WASHC4: variants seen among roughly 807,000 people sequenced by gnomAD.
WASHC4 encodes WASH complex subunit 7.
Under a neutral mutation model 166.6 loss-of-function variants are expected in WASHC4, and 86 were observed. The ratio of observed to expected loss-of-function variants is 0.52; its 90% CI spans 0.43 to 0.62. WASHC4 has a LOEUF of 0.62. WASHC4 is among the 20% of genes least tolerant of loss of function. The pLI, the probability that WASHC4 is intolerant of heterozygous loss-of-function variation, is 0.00. For synonymous variants in WASHC4, 446 were observed against 451.6 expected, an observed-to-expected ratio of 0.99 and a Z score of 0.16; for missense variants, 1,262 against 1,382.4, an observed-to-expected ratio of 0.91 and a Z score of 1.38.
chr12:105,110,476 T>C (rs1160013927), intron 1 of WASHC4, among the ~76,000 whole-genome samples: 1 of 152,244 alleles, frequency 6.6e-6, no homozygotes, highest in Non-Finnish European at 1.5e-5. Context: ...AAGTTACCTA[T>C]GAATGTGTTA....
chr12:105,114,218 T>G lies in WASHC4; in HGVS notation c.204T>G (p.Leu68=). The G allele has an allele frequency of 6.2e-7, 1 of 1,609,450 alleles. No homozygotes were observed. The highest frequency in any genetic ancestry group is 1.1e-5 in the South Asian group (1 of 90,752). Residue 68 remains leucine (L), a splice_region_variant and synonymous_variant, in exon 3 of 33, where the codon CTT becomes CTG. Coordinates refer to ENST00000332180, the MANE Select transcript of WASHC4 (RefSeq NM_015275.3). ...GTTCTTTTCCTTTGTTTCTGTAGCTTTTGCCTTATGAACAGTCCTCTCTTT... is the reference window on the plus strand; with the variant it reads ...GTTCTTTTCCTTTGTTTCTGTAGCTGTTGCCTTATGAACAGTCCTCTCTTT... The part of the protein sequence containing the change: ...DFNLDPIALK[L]LPYEQSSLLE...
At chr12:105,114,293 A>T (rs768761981) in intron 3 of WASHC4, 24 bp downstream of exon 3, 118 of 1,605,096 alleles carry the variant, frequency 7.4e-5, no homozygotes, top group Non-Finnish European at 9.9e-5. Flanking sequence ...AATCTAAAAA[A>T]TTGTTTTAAA....
intron 18 of WASHC4, 101 bp from the exon 19 acceptor site, chr12:105,142,352 G>A: frequency 1.3e-6 from 1 of 744,462 alleles, no homozygotes. Flanking sequence ...AATGCGAACT[G>A]TGTAAGATGG....
intron 20 of WASHC4, 55 bp from the exon 21 acceptor site, chr12:105,144,232 A>G: frequency 1.4e-6 from 2 of 1,430,538 alleles, no homozygotes; most frequent in Non-Finnish European, 9.8e-7. Flanking sequence ...GTAGGGAAAC[A>G]ATACAATTGC....
At chr12:105,134,872 C>G (rs749706304) in intron 14 of WASHC4, among the ~76,000 whole-genome samples, 2 of 151,776 alleles carry the variant, frequency 1.3e-5, no homozygotes, top group Non-Finnish European at 2.9e-5. Flanking sequence ...ATTTGTCTCA[C>G]TTGTTCTGTG....
intron 13 of WASHC4, among the ~76,000 whole-genome samples, chr12:105,130,776 G>T (rs374159752): frequency 1.3e-5 from 2 of 152,278 alleles, no homozygotes; most frequent in East Asian, 3.9e-4. Context: ...GGGGTCCAAG[G>T]TTTGTGGATT....
Position 105,148,536 on chromosome 12 carries a change from A to G in WASHC4, c.2515-1079A>G. ...AAATGAGCATAGAAGGATAGAAATC[A>G]GGATGGCAGAATAGTTACCCACTAT... On this transcript the variant is annotated intron_variant, in intron 24 of 32. Coordinates refer to ENST00000332180, the MANE Select transcript of WASHC4 (RefSeq NM_015275.3). The G allele has an allele frequency of 7.1e-6, 7 of 985,460 alleles. 1 individual carries two copies. Among genetic ancestry groups the G allele is most frequent in the South Asian group, 9.4e-5 (2 of 21,294 alleles). The allele number at this position is 985,460 out of a possible 1,614,324, so 61.0% of individuals were successfully genotyped here.
At position 105,141,920 on chromosome 12, in the gene WASHC4, A is replaced by G. The variant is rs1234546551; in HGVS notation, c.1788-533A>G. ...AGCCTTTTTCATTATAAGATAGTTA[A>G]TGATCATTCTGTTGCCCTTTAAGGT... is the stretch of plus-strand genomic sequence containing the variant. On this transcript the variant is annotated intron_variant, in intron 18 of 32. Coordinates refer to ENST00000332180, the MANE Select transcript of WASHC4 (RefSeq NM_015275.3). Among the ~76,000 whole-genome samples, 5 of 150,734 alleles carry G rather than the reference A, an allele frequency of 3.3e-5. 1 individual carries two copies. The highest frequency in any genetic ancestry group is 2.6e-4 in the Admixed American group (4 of 15,182).
intron 14 of WASHC4, 44 bp from the exon 15 acceptor site, chr12:105,137,842 A>G: frequency 6.5e-7 from 1 of 1,539,360 alleles, no homozygotes; most frequent in Non-Finnish European, 9.0e-7. Flanking sequence ...GAAATCTTGA[A>G]GAAAATCTTT....
intron 25 of WASHC4, 67 bp from the exon 26 acceptor site, chr12:105,152,276 T>G: frequency 1.2e-6 from 1 of 804,778 alleles, no homozygotes; most frequent in Non-Finnish European, 2.2e-6. Flanking sequence ...ATTGGCATGG[T>G]TTATTTGGGA....
chr12:105,152,732 G>T (rs1332117145), intron 26 of WASHC4, among the ~76,000 whole-genome samples: 1 of 152,048 alleles, frequency 6.6e-6, no homozygotes, highest in East Asian at 1.9e-4. Context: ...ATTGTAAACT[G>T]GTAAGTACTT....
intron 18 of WASHC4, 64 bp downstream of exon 18, chr12:105,141,310 T>G (rs1882829833): frequency 8.0e-6 from 9 of 1,124,030 alleles, no homozygotes; most frequent in Non-Finnish European, 1.2e-5. Flanking sequence ...ATTGATTTTC[T>G]TTTTAGCATA....
chr12:105,144,230 A>G, intron 20 of WASHC4, 57 bp from the exon 21 acceptor site: 4 of 1,416,274 alleles, frequency 2.8e-6, no homozygotes, highest in South Asian at 1.2e-5. Context: ...ATGTAGGGAA[A>G]CAATACAATT....
intron 7 of WASHC4, 114 bp downstream of exon 7, chr12:105,118,642 T>G: frequency 1.4e-6 from 1 of 740,256 alleles, no homozygotes; most frequent in Non-Finnish European, 2.4e-6. Context: ...TGAACACTTA[T>G]GATATTTCAA....
chr12:105,162,439 C>T (rs1884557051), intron 29 of WASHC4, among the ~76,000 whole-genome samples: 1 of 152,144 alleles, frequency 6.6e-6, no homozygotes, highest in South Asian at 2.1e-4. Flanking sequence ...CGGTGTCCTT[C>T]TCTGTAAAAT....
chr12:105,162,763 A>G lies in WASHC4; in HGVS notation c.3075A>G (p.Val1025=), dbSNP rs761088386. Reference sequence around the variant, plus strand: ...CATCTTTTTAGACCCTCAACTTTGTAGAGCATTCCATTAGTTGCAAGGAAA... The same window carrying G: ...CATCTTTTTAGACCCTCAACTTTGTGGAGCATTCCATTAGTTGCAAGGAAA... The part of the protein sequence containing the change: ...IIVPPLTLNF[V]EHSISCKEKL... Residue 1025 remains valine, a synonymous_variant, in exon 30 of 33, where the codon GTA becomes GTG. Coordinates refer to ENST00000332180, the MANE Select transcript of WASHC4 (RefSeq NM_015275.3). 6.3e-6 allele frequency: 10 copies of G among 1,580,134 alleles called. No individual in the cohort carries two copies. Among genetic ancestry groups the G allele is most frequent in the Admixed American group, 5.0e-5 (3 of 59,934 alleles).
intron 2 of WASHC4, 65 bp from the exon 3 acceptor site, chr12:105,114,151 T>C: frequency 7.0e-7 from 1 of 1,438,560 alleles, no homozygotes; most frequent in Non-Finnish European, 9.7e-7. Flanking sequence ...AGCCTCAATT[T>C]GTGTTTTTAA....
At chr12:105,164,438 T>TTA (rs1884685650) in intron 31 of WASHC4, 131 bp downstream of exon 31, 1 of 910,582 alleles carries the variant, frequency 1.1e-6, no homozygotes, top group Admixed American at 2.1e-5. Context: ...GGCAAAAAGA[T>TTA]TATATTTTAA....
At chr12:105,127,376 TG>T (rs1160225895) in intron 13 of WASHC4, 87 bp downstream of exon 13, 1 of 972,956 alleles carries the variant, frequency 1.0e-6, no homozygotes, top group African/African-American at 1.6e-5. Context: ...TAGTACCATT[TG>T]AATTATAAGA....
Sources: gnomAD v4.1 joint callset for allele counts (sites outside exome capture counted in the v4.1 genomes callset) on GRCh38, gnomAD v4.1.1 for gene constraint, MANE v1.5 for transcripts, NCBI Gene and HGNC (gene_info 2026-07-23, HGNC 2026-07-21) for gene names.